CFAP77: variants seen among roughly 807,000 people sequenced by gnomAD.
CFAP77 encodes cilia- and flagella-associated protein 77.
A neutral mutation model predicts 31.1 loss-of-function variants in CFAP77; 25 were observed. The observed-to-expected ratio is 0.80, with a 90% CI of 0.59 to 1.12. CFAP77 has a LOEUF of 1.12. CFAP77 is among the 50% of genes most tolerant of loss of function. The pLI, the probability that CFAP77 is intolerant of heterozygous loss-of-function variation, is 0.00. For synonymous variants in CFAP77, 151 were observed against 159.9 expected, an observed-to-expected ratio of 0.94 and a Z score of 0.42; for missense variants, 377 against 397.3, an observed-to-expected ratio of 0.95 and a Z score of 0.44.
At chr9:132,512,816 A>G (rs1564234869) in intron 3 of CFAP77, among the ~76,000 whole-genome samples, 2 of 152,194 alleles carry the variant, frequency 1.3e-5, no homozygotes, top group Non-Finnish European at 2.9e-5. Flanking sequence ...GCGTGGTGGC[A>G]GGTGCCTGCA....
intron 5 of CFAP77, among the ~76,000 whole-genome samples, chr9:132,553,455 A>G (rs1366477239): frequency 6.6e-6 from 1 of 152,214 alleles, no homozygotes; most frequent in East Asian, 1.9e-4. Flanking sequence ...ACAAACAAAC[A>G]AACAAACACC....
rs558134918 is a variant in CFAP77 at position 132,427,263 on chromosome 9, A to G, written c.195+16797A>G. On this transcript the variant is annotated intron_variant, in intron 1 of 5. Transcript: ENST00000393216. ...AGGTAATTAGCTGTTCCTGCAGCCCATTCACGGCTTCCTTCTCAGCACCAA... is the reference window on the plus strand; with the variant it reads ...AGGTAATTAGCTGTTCCTGCAGCCCGTTCACGGCTTCCTTCTCAGCACCAA... 2.6e-5 allele frequency among the ~76,000 whole-genome samples: 4 copies of G among 152,270 alleles called. No homozygotes were observed. In the East Asian group the frequency reaches 5.8e-4, roughly 22 times the overall value.
At chr9:132,482,234 C>T (rs1178017205) in intron 1 of CFAP77, 18 of 863,198 alleles carry the variant, frequency 2.1e-5, no homozygotes, top group Non-Finnish European at 3.3e-5. Context: ...AATCTGCTCA[C>T]TCAGGGTCTG....
chr9:132,461,325 C>T (rs1851046638), intron 1 of CFAP77, among the ~76,000 whole-genome samples: 1 of 152,226 alleles, frequency 6.6e-6, no homozygotes, highest in African/African-American at 2.4e-5. Flanking sequence ...TGCCCGGGTT[C>T]TGGGACTGCT....
intron 5 of CFAP77, among the ~76,000 whole-genome samples, chr9:132,557,454 C>T (rs1165170133): frequency 6.6e-6 from 1 of 152,228 alleles, no homozygotes; most frequent in Non-Finnish European, 1.5e-5. Flanking sequence ...GAGCGCTGGG[C>T]AGCAGGACAG....
chr9:132,411,480 A>G (rs1275310006), intron 1 of CFAP77, among the ~76,000 whole-genome samples: 3 of 152,106 alleles, frequency 2.0e-5, no homozygotes, highest in African/African-American at 7.2e-5. Context: ...TGCCTTCCCT[A>G]AACTCGGTCC....
intron 5 of CFAP77, among the ~76,000 whole-genome samples, chr9:132,543,649 T>C (rs1421447296): frequency 6.6e-6 from 1 of 152,180 alleles, no homozygotes; most frequent in African/African-American, 2.4e-5. Flanking sequence ...CCAACCAGCA[T>C]GAACTTCCCA....
intron 5 of CFAP77, among the ~76,000 whole-genome samples, chr9:132,559,121 G>C (rs972758802): frequency 2.0e-5 from 3 of 151,994 alleles, no homozygotes; most frequent in African/African-American, 7.3e-5. Flanking sequence ...GAGGTGGGTG[G>C]ATCATGAGGT....
intron 5 of CFAP77, among the ~76,000 whole-genome samples, chr9:132,567,994 G>A (rs1367772967): frequency 6.6e-6 from 1 of 152,142 alleles, no homozygotes. Context: ...TCAAGTTCTG[G>A]GGGTTAGTAC....
intron 1 of CFAP77, among the ~76,000 whole-genome samples, chr9:132,433,970 G>A (rs1163834425): frequency 2.8e-5 from 3 of 106,554 alleles, no homozygotes; most frequent in Admixed American, 8.6e-5. Context: ...GACCCCATGT[G>A]TAAAAAAAAA....
At chr9:132,431,580 A>G (rs536156591) in intron 1 of CFAP77, among the ~76,000 whole-genome samples, 7 of 152,364 alleles carry the variant, frequency 4.6e-5, no homozygotes, top group African/African-American at 1.7e-4. Flanking sequence ...ACAATGTCTG[A>G]GGTAAAAATT....
intron 1 of CFAP77, among the ~76,000 whole-genome samples, chr9:132,493,387 G>GA: frequency 6.6e-6 from 1 of 152,032 alleles, no homozygotes; most frequent in South Asian, 2.1e-4. Context: ...AATGCATTTG[G>GA]AAAAAAAATA....
At chr9:132,461,646 G>T (rs150163764) in intron 1 of CFAP77, among the ~76,000 whole-genome samples, 380 of 152,304 alleles carry the variant, frequency 2.5e-3, no homozygotes, top group African/African-American at 8.6e-3. Flanking sequence ...GAAGACTGCG[G>T]GGGTTTGTCG....
At position 132,565,165 on chromosome 9, in the gene CFAP77, C is replaced by T. The variant is rs1448872837; in HGVS notation, c.733-7223C>T. ...AGGATCTAGTAGCTGCTCATCTCCC[C>T]TGCCACATCCTGCTGCCCATAACAG... On this transcript the variant is annotated intron_variant, in intron 5 of 5. Coordinates refer to ENST00000393216, the MANE Select transcript of CFAP77 (RefSeq NM_001282957.2). The surrounding 1 kb of genome is among the most constrained non-coding windows in gnomAD (Gnocchi z 4.1). Among the ~76,000 whole-genome samples the T allele has an allele frequency of 6.6e-6, 1 of 151,514 alleles. No individual in the cohort carries two copies. Among genetic ancestry groups the T allele is most frequent in the Non-Finnish European group, 1.5e-5 (1 of 67,932 alleles).
intron 3 of CFAP77, among the ~76,000 whole-genome samples, chr9:132,536,131 T>C (rs538065257): frequency 1.3e-5 from 2 of 152,142 alleles, no homozygotes; most frequent in Non-Finnish European, 2.9e-5. Context: ...TGGGACTGGT[T>C]AGGGGTGCTT....
intron 1 of CFAP77, among the ~76,000 whole-genome samples, chr9:132,443,562 T>C (rs571214447): frequency 6.6e-6 from 1 of 152,340 alleles, no homozygotes; most frequent in Admixed American, 6.5e-5. Flanking sequence ...CAGAAAAGTA[T>C]TTTAATTTAA....
At chr9:132,417,841 T>C (rs1053202146) in intron 1 of CFAP77, among the ~76,000 whole-genome samples, 1 of 152,180 alleles carries the variant, frequency 6.6e-6, no homozygotes, top group African/African-American at 2.4e-5. Context: ...TCTGAACTTA[T>C]AAAGAAACAG....
chr9:132,482,749 T>C (rs1308391602), intron 1 of CFAP77, among the ~76,000 whole-genome samples: 6 of 133,432 alleles, frequency 4.5e-5, no homozygotes, highest in East Asian at 2.2e-4. Context: ...ATTTTTTTTT[T>C]CTTAAGAACA....
At position 132,463,114 on chromosome 9, in the gene CFAP77, C is replaced by T. The variant is rs536386359; in HGVS notation, c.196-35581C>T. ...AAGCCAAATAGAGGAGGAAAGGGTG[C>T]CTGGGCGGGCTGGGAACGGATGGAA... is the stretch of plus-strand genomic sequence containing the variant. On this transcript the variant is annotated intron_variant, in intron 1 of 5. Transcript: ENST00000393216. Among the ~76,000 whole-genome samples the T allele has an allele frequency of 6.6e-5, 10 of 152,222 alleles. 1 individual carries two copies. In the East Asian group the frequency reaches 1.9e-3, roughly 29 times the overall value.
Sources: allele counts gnomAD v4.1 joint callset (sites outside exome capture counted in the v4.1 genomes callset), GRCh38; gene constraint gnomAD v4.1.1; non-coding constraint Gnocchi (gnomAD v3.1); transcripts MANE v1.5; gene names NCBI Gene and HGNC (gene_info 2026-07-23, HGNC 2026-07-21).